SEPTIN2: variants seen among roughly 807,000 people sequenced by gnomAD.
SEPTIN2 encodes the protein septin-2.
A neutral mutation model predicts 46.5 loss-of-function variants in SEPTIN2; 34 were observed. The ratio of observed to expected loss-of-function variants is 0.73; its 90% CI spans 0.56 to 0.97. SEPTIN2 has a LOEUF of 0.97. Ranked by LOEUF, SEPTIN2 falls within the 50% of genes least tolerant of loss-of-function variation. SEPTIN2 has a pLI of 0.00. For synonymous variants in SEPTIN2, 175 were observed against 153.4 expected (o/e 1.14, Z -1.04); for missense variants, 347 against 448.4 (o/e 0.77, Z 2.04).
chr2:241,317,535 ATTTTTT>A (rs750805176), intron 1 of SEPTIN2: 6 of 950,992 alleles, frequency 6.3e-6, no homozygotes, highest in East Asian at 2.5e-4. Context: ...AGTTGTGGGT[ATTTTTT>A]TTTTTTTTTT....
chr2:241,319,965 A>C (rs1575127403), intron 1 of SEPTIN2, among the ~76,000 whole-genome samples: 1 of 152,180 alleles, frequency 6.6e-6, no homozygotes, highest in African/African-American at 2.4e-5. Context: ...CTATTAATGC[A>C]TGATTTTTTT....
intron 1 of SEPTIN2, among the ~76,000 whole-genome samples, chr2:241,323,499 C>CT (rs1205215759): frequency 1.3e-5 from 2 of 152,132 alleles, no homozygotes; most frequent in African/African-American, 2.4e-5. Flanking sequence ...CTCAAGTGGT[C>CT]TGCCTACCTC....
intron 12 of SEPTIN2, among the ~76,000 whole-genome samples, chr2:241,350,874 G>A (rs1235930881): frequency 6.6e-6 from 1 of 152,160 alleles, no homozygotes; most frequent in African/African-American, 2.4e-5. Context: ...TCTCTGAACT[G>A]TCCAGGTGGC....
intron 12 of SEPTIN2, among the ~76,000 whole-genome samples, chr2:241,350,416 TC>T (rs1225994543): frequency 2.0e-5 from 3 of 151,656 alleles, no homozygotes; most frequent in Non-Finnish European, 4.4e-5. Flanking sequence ...TTTTGTCTCT[TC>T]TTTTTTTTTT....
At chr2:241,339,581 C>A (rs867833016) in intron 7 of SEPTIN2, among the ~76,000 whole-genome samples, 3 of 152,130 alleles carry the variant, frequency 2.0e-5, no homozygotes, top group Middle Eastern at 3.2e-3. Context: ...GCACAGCATT[C>A]CACCATATGA....
intron 3 of SEPTIN2, among the ~76,000 whole-genome samples, chr2:241,328,604 T>G (rs1210877752): frequency 1.3e-5 from 2 of 150,520 alleles, no homozygotes; most frequent in Non-Finnish European, 1.5e-5. Context: ...TAGCTGGGCG[T>G]GTTGGCACAT....
intron 7 of SEPTIN2, among the ~76,000 whole-genome samples, chr2:241,340,148 C>G (rs2081061134): frequency 6.6e-6 from 1 of 152,168 alleles, no homozygotes; most frequent in Admixed American, 6.5e-5. Flanking sequence ...TCTCTCCACC[C>G]CCTAAAACTG....
rs1393970280 is a variant in SEPTIN2 at position 241,346,199 on chromosome 2, G to T, written c.876G>T (p.Gln292His). 6.2e-7 allele frequency: 1 copy of T among 1,613,806 alleles called. No individual in the cohort carries two copies. Among genetic ancestry groups the T allele is most frequent in the African/African-American group, 1.3e-5 (1 of 74,878 alleles). Residue 292 changes from glutamine (Q) to histidine (H), a missense_variant, in exon 10 of 13, where the codon CAG becomes CAT. By Grantham distance (24) the Gln-to-His change is conservative. Transcript: ENST00000391971. ...THMQDLQEVT[Q>H]DLHYENFRSE... ...TGCAGGATCTCCAGGAGGTGACCCA[G>T]GACCTTCATTATGAAAACTTCCGTT...
At chr2:241,339,358 G>A (rs1252576343) in intron 7 of SEPTIN2, among the ~76,000 whole-genome samples, 2 of 98,168 alleles carry the variant, frequency 2.0e-5, no homozygotes, top group African/African-American at 6.6e-5. Flanking sequence ...GGGTGACAGA[G>A]CAAGACTCCG....
intron 10 of SEPTIN2, chr2:241,346,551 A>C (rs866571638): frequency 4.1e-5 from 7 of 169,434 alleles, no homozygotes; most frequent in Non-Finnish European, 6.3e-5. Context: ...GAGTTTTGAG[A>C]CCATGAGATT....
rs771409626 is a variant in SEPTIN2, at chr2:241,348,174, C to T, written c.967C>T (p.Leu323=). 12 of 1,612,578 alleles carry T rather than the reference C, an allele frequency of 7.4e-6. No homozygotes were observed. Among genetic ancestry groups the T allele is most frequent in the Non-Finnish European group, 1.0e-5 (12 of 1,179,252 alleles). Residue 323 remains leucine, a synonymous_variant, in exon 11 of 13, where the codon CTG becomes TTG. Coordinates refer to ENST00000391971, the MANE Select transcript of SEPTIN2 (RefSeq NM_004404.5). The stretch of plus-strand genomic sequence containing the variant: ...GGACATGAATAAAGACCAGATCTTG[C>T]TGGAAAAAGAAGCTGAGGTAAGTAG... ...NEDMNKDQIL[L]EKEAELRRMQ... is the part of the protein sequence containing the mutation.
chr2:241,323,034 A>G (rs552768745), intron 1 of SEPTIN2, among the ~76,000 whole-genome samples: 1 of 152,208 alleles, frequency 6.6e-6, no homozygotes, highest in Non-Finnish European at 1.5e-5. Flanking sequence ...AAATTTTTTT[A>G]ATTTTTTAAT....
intron 3 of SEPTIN2, among the ~76,000 whole-genome samples, chr2:241,329,544 G>A (rs976857584): frequency 1.2e-4 from 19 of 152,168 alleles, no homozygotes; most frequent in African/African-American, 4.1e-4. Flanking sequence ...GTTTTTCGGT[G>A]CCATAAAGAA....
intron 11 of SEPTIN2, among the ~76,000 whole-genome samples, chr2:241,349,383 A>T (rs11688675): frequency 0.31 from 45,624 of 148,522 alleles, 7,781 homozygotes; most frequent in Admixed American, 0.44. Context: ...AAAAAAAAAA[A>T]ATATATATAT....
chr2:241,350,615 TA>T (rs1314066477), intron 12 of SEPTIN2, among the ~76,000 whole-genome samples: 1 of 152,222 alleles, frequency 6.6e-6, no homozygotes, highest in African/African-American at 2.4e-5. Flanking sequence ...TTGTACAGAT[TA>T]AAAGTAGAGA....
At chr2:241,323,603 T>G (rs2077473235) in intron 1 of SEPTIN2, among the ~76,000 whole-genome samples, 1 of 152,202 alleles carries the variant, frequency 6.6e-6, no homozygotes, top group South Asian at 2.1e-4. Context: ...ATGCTTGTCT[T>G]ATTCCTAGGG....
At chr2:241,344,892 C>T (rs1213585996) in intron 9 of SEPTIN2, among the ~76,000 whole-genome samples, 1 of 151,970 alleles carries the variant, frequency 6.6e-6, no homozygotes, top group Admixed American at 6.6e-5. Flanking sequence ...ATGGTGAAAC[C>T]AGCCTGGCCG....
chr2:241,317,475 G>A, intron 1 of SEPTIN2: 3 of 913,556 alleles, frequency 3.3e-6, no homozygotes, highest in Non-Finnish European at 3.9e-6. Flanking sequence ...GTAATTCAGG[G>A]CCCCTTTTTA....
At chr2:241,344,769 G>C (rs991648518) in intron 9 of SEPTIN2, among the ~76,000 whole-genome samples, 3 of 152,010 alleles carry the variant, frequency 2.0e-5, no homozygotes, top group Non-Finnish European at 4.4e-5. Context: ...TTTTACTCTT[G>C]AAAAAAGAGG....
Sources: gnomAD v4.1 joint callset for allele counts (sites outside exome capture counted in the v4.1 genomes callset) on GRCh38, gnomAD v4.1.1 for gene constraint, MANE v1.5 for transcripts, NCBI Gene and HGNC (gene_info 2026-07-23, HGNC 2026-07-21) for gene names.